The following DMD variants were observed in gnomAD, a reference collection of about 807,000 sequenced individuals.
DMD encodes mutant dystrophin.
A neutral mutation model predicts 330.1 loss-of-function variants in DMD; 63 were observed. That is an observed-to-expected ratio of 0.19 (90% CI 0.16 to 0.24). The LOEUF (loss-of-function observed/expected upper bound fraction) is 0.24, where lower values mean the gene tolerates loss of function less well. Ranked by LOEUF, DMD falls within the 10% of genes least tolerant of loss-of-function variation. The pLI, the probability that DMD is intolerant of heterozygous loss-of-function variation, is 1.00. For synonymous variants in DMD, 1,223 were observed against 959.8 expected (o/e 1.27, Z -5.07); for missense variants, 3,344 against 2,684.1 (o/e 1.25, Z -5.43).
intron 57 of DMD, among the ~76,000 whole-genome samples, chrX:31,487,424 C>A (rs1040162436): frequency 9.0e-6 from 1 of 110,778 alleles, no homozygotes; most frequent in Non-Finnish European, 1.9e-5. Context: ...CCATGCCCGG[C>A]TAATTTTTTC....
chrX:31,514,912 T>C (rs1263276442), intron 55 of DMD, among the ~76,000 whole-genome samples: 3 of 111,191 alleles, frequency 2.7e-5, no homozygotes, highest in African/African-American at 6.5e-5. Context: ...CTGATTGGAA[T>C]GGACAATGAG....
chrX:32,513,959 G>A (rs1282009341), intron 18 of DMD, among the ~76,000 whole-genome samples: 1 of 111,736 alleles, frequency 8.9e-6, no homozygotes, highest in Non-Finnish European at 1.9e-5. Context: ...AGGGAAAAGA[G>A]GTTAATAGGT....
intron 9 of DMD, among the ~76,000 whole-genome samples, chrX:32,658,082 G>T (rs1473505632): frequency 9.0e-6 from 1 of 111,643 alleles, no homozygotes; most frequent in African/African-American, 3.2e-5. Flanking sequence ...CATAGAGTTT[G>T]TAATTGCATA....
chrX:31,388,235 C>T (rs1185282333), intron 60 of DMD, among the ~76,000 whole-genome samples: 3 of 109,454 alleles, frequency 2.7e-5, no homozygotes, highest in Non-Finnish European at 1.9e-5. Context: ...GATCTCCTGA[C>T]CTCGTGATCC....
chrX:32,568,724 T>A (rs1038630973), intron 15 of DMD, among the ~76,000 whole-genome samples: 11 of 111,009 alleles, frequency 9.9e-5, no homozygotes, highest in Non-Finnish European at 2.1e-4. Flanking sequence ...TCTCTTTTTC[T>A]GTCTTTCAGT....
chrX:31,970,941 A>G (rs17308989), intron 44 of DMD, among the ~76,000 whole-genome samples: 3,454 of 111,512 alleles, frequency 0.031, 49 homozygotes, highest in Non-Finnish European at 0.049. Flanking sequence ...TTCCTTCAAG[A>G]GTGTCCAATA....
chrX:32,641,127 C>G (rs1284863161), intron 11 of DMD, among the ~76,000 whole-genome samples: 2 of 111,139 alleles, frequency 1.8e-5, no homozygotes, highest in Non-Finnish European at 3.8e-5. Context: ...CTAAATGGTA[C>G]CAACCTTCAA....
intron 41 of DMD, among the ~76,000 whole-genome samples, chrX:32,328,633 T>A (rs1301456823): frequency 9.1e-6 from 1 of 110,084 alleles, no homozygotes; most frequent in Non-Finnish European, 1.9e-5. Flanking sequence ...TGTAAATAAA[T>A]TTATCTAAGT....
chrX:31,308,397 A>C (rs1327081187), intron 62 of DMD, among the ~76,000 whole-genome samples: 1 of 111,614 alleles, frequency 9.0e-6, no homozygotes, highest in Non-Finnish European at 1.9e-5. Flanking sequence ...CAGGCAATCA[A>C]CCCCATCAAC....
chrX:33,233,874 A>G (rs2148884026), intron 1 of DMD, among the ~76,000 whole-genome samples: 1 of 112,794 alleles, frequency 8.9e-6, no homozygotes, highest in African/African-American at 3.2e-5. Context: ...GTTTGAATAT[A>G]ATTTGCAAGA....
At chrX:32,641,862 T>C (rs182161021) in intron 11 of DMD, among the ~76,000 whole-genome samples, 2 of 110,952 alleles carry the variant, frequency 1.8e-5, no homozygotes, top group African/African-American at 6.5e-5. Context: ...AATCTTCTAC[T>C]CTGAAGTAAT....
intron 43 of DMD, among the ~76,000 whole-genome samples, chrX:32,238,689 A>C (rs1238290490): frequency 8.9e-6 from 1 of 112,035 alleles, no homozygotes; most frequent in African/African-American, 3.2e-5. Context: ...AATCAAAGCC[A>C]AAGTTAATTA....
intron 30 of DMD, among the ~76,000 whole-genome samples, chrX:32,411,004 C>T (rs760559827): frequency 3.6e-5 from 4 of 111,645 alleles, no homozygotes; most frequent in Non-Finnish European, 7.5e-5. Flanking sequence ...AAATTTATAT[C>T]GATAATTTTG....
chrX:31,544,448 T>C (rs1373867290), intron 55 of DMD, among the ~76,000 whole-genome samples: 5 of 110,916 alleles, frequency 4.5e-5, no homozygotes, highest in African/African-American at 1.3e-4. Flanking sequence ...CCTTCTCCCC[T>C]GAAGCAGGTC....
intron 1 of DMD, among the ~76,000 whole-genome samples, chrX:33,067,786 A>G (rs1404971744): frequency 9.0e-6 from 1 of 111,015 alleles, no homozygotes; most frequent in African/African-American, 3.3e-5. Flanking sequence ...TGGAGGTTGC[A>G]GTGAGCCGAG....
At chrX:31,932,649 G>A (rs747613360) in intron 45 of DMD, among the ~76,000 whole-genome samples, 2 of 111,581 alleles carry the variant, frequency 1.8e-5, no homozygotes, top group Non-Finnish European at 3.8e-5. Context: ...GGGAGGCTGA[G>A]GCAGGAGAAT....
intron 7 of DMD, among the ~76,000 whole-genome samples, chrX:32,787,250 G>C (rs776356198): frequency 0.037 from 3,199 of 87,511 alleles, 123 homozygotes; most frequent in African/African-American, 0.13. Flanking sequence ...GTGTGTGTGA[G>C]AGAGAGAGAG....
At chrX:32,421,783 T>C (rs2098190918) in intron 29 of DMD, among the ~76,000 whole-genome samples, 1 of 111,814 alleles carries the variant, frequency 8.9e-6, no homozygotes, top group Non-Finnish European at 1.9e-5. Context: ...GGTGTGACGC[T>C]TTAACTTGTA....
At chrX:32,540,311 G>A (rs1569160264) in intron 17 of DMD, among the ~76,000 whole-genome samples, 1 of 111,424 alleles carries the variant, frequency 9.0e-6, no homozygotes, top group East Asian at 2.8e-4. Flanking sequence ...AAATCTCAGT[G>A]TAAAGAGAAA....
Sources: allele counts gnomAD v4.1 joint callset (sites outside exome capture counted in the v4.1 genomes callset), GRCh38; gene constraint gnomAD v4.1.1; transcripts MANE v1.5; gene names NCBI Gene and HGNC (gene_info 2026-07-23, HGNC 2026-07-21).